Variants in CTIF observed in about 807,000 individuals in gnomAD.
CTIF encodes cap binding complex dependent translation initiation factor, also known as CBP80/20-dependent translation initiation factor.
A neutral mutation model predicts 66.0 loss-of-function variants in CTIF; 21 were observed. That is an observed-to-expected ratio of 0.32 (90% CI 0.23 to 0.46). The LOEUF (loss-of-function observed/expected upper bound fraction) is 0.46, where lower values mean the gene tolerates loss of function less well. Ranked by LOEUF, CTIF falls within the 20% of genes least tolerant of loss-of-function variation. The pLI is 1.00. For synonymous variants in CTIF, 345 were observed against 326.4 expected (o/e 1.06, Z -0.62); for missense variants, 739 against 812.7 (o/e 0.91, Z 1.10).
intron 10 of CTIF, among the ~76,000 whole-genome samples, chr18:48,824,534 A>G (rs1165669445): frequency 2.0e-5 from 3 of 151,858 alleles, no homozygotes; most frequent in Admixed American, 6.6e-5. Context: ...AGGCTCTTCT[A>G]GGTTATCATT....
At chr18:48,599,595 G>T (rs1473512270) in intron 1 of CTIF, among the ~76,000 whole-genome samples, 1 of 152,160 alleles carries the variant, frequency 6.6e-6, no homozygotes, top group South Asian at 2.1e-4. Flanking sequence ...AATTCCTGAG[G>T]GCTGAATAAG....
chr18:48,548,111 T>C (rs1437627668), intron 1 of CTIF, among the ~76,000 whole-genome samples: 1 of 152,120 alleles, frequency 6.6e-6, no homozygotes, highest in African/African-American at 2.4e-5. Flanking sequence ...GGCAGAGATA[T>C]GGTAATGCCT....
chr18:48,580,551 T>G (rs538165961), intron 1 of CTIF, among the ~76,000 whole-genome samples: 1 of 152,250 alleles, frequency 6.6e-6, no homozygotes, highest in African/African-American at 2.4e-5. Context: ...ATCCTGAAGT[T>G]TAACTTAACC....
intron 6 of CTIF, among the ~76,000 whole-genome samples, chr18:48,703,991 G>C (rs537277640): frequency 7.2e-5 from 11 of 152,236 alleles, no homozygotes; most frequent in African/African-American, 2.7e-4. Context: ...TGGGCCTGGG[G>C]GGAAGCGTAG....
intron 5 of CTIF, among the ~76,000 whole-genome samples, chr18:48,667,490 G>A (rs572599818): frequency 5.3e-5 from 8 of 152,256 alleles, no homozygotes; most frequent in African/African-American, 1.9e-4. Context: ...TGGGGAGATC[G>A]AAGCGATGGT....
rs545379810 is a variant in CTIF at position 48,749,963 on chromosome 18, G to A, written c.585-7956G>A. 1.3e-4 allele frequency among the ~76,000 whole-genome samples: 20 copies of A among 152,328 alleles called. No individual in the cohort carries two copies. The East Asian group carries it at 2.9e-3, about 22-fold the overall frequency. On this transcript the variant is annotated intron_variant, in intron 7 of 11. Coordinates refer to ENST00000256413, the MANE Select transcript of CTIF (RefSeq NM_014772.3). ...TGGAAACACTCCACCAGGTTCACGC[G>A]GAGCCTGGCGACTCCCCAGGGCAGC... is the stretch of plus-strand genomic sequence containing the variant.
At chr18:48,702,809 G>A (rs969131248) in intron 6 of CTIF, among the ~76,000 whole-genome samples, 25 of 152,184 alleles carry the variant, frequency 1.6e-4, no homozygotes, top group African/African-American at 6.0e-4. Flanking sequence ...GTGCAGCCTA[G>A]AGATTCCAGG....
chr18:48,803,860 G>C (rs1198487017), intron 9 of CTIF, among the ~76,000 whole-genome samples: 1 of 152,212 alleles, frequency 6.6e-6, no homozygotes, highest in Non-Finnish European at 1.5e-5. Context: ...ATGGCAAAGG[G>C]AGAACCTGTC....
chr18:48,687,104 G>C (rs778210508), intron 6 of CTIF, among the ~76,000 whole-genome samples: 2 of 152,040 alleles, frequency 1.3e-5, no homozygotes, highest in African/African-American at 2.4e-5. Context: ...CTGTGTGCTT[G>C]TCAAGAGGAG....
Position 48,695,587 on chromosome 18 carries a change from C to T in CTIF, c.508-16032C>T, listed in dbSNP as rs540097439. ...TCTTTAGACATGCTGTTTAGTCTAT[C>T]CAGCCCTCCTTTTCCTCATTTGTAG... On this transcript the variant is annotated intron_variant, in intron 6 of 11. Coordinates refer to ENST00000256413, the MANE Select transcript of CTIF (RefSeq NM_014772.3). 4.6e-5 allele frequency among the ~76,000 whole-genome samples: 7 copies of T among 152,328 alleles called. No individual in the cohort carries two copies. The South Asian group carries it at 1.2e-3, about 27-fold the overall frequency.
chr18:48,546,496 C>T (rs1446922450), intron 1 of CTIF, among the ~76,000 whole-genome samples: 1 of 152,022 alleles, frequency 6.6e-6, no homozygotes, highest in Non-Finnish European at 1.5e-5. Context: ...GACAGAGCAC[C>T]TAGAAAGGCT....
intron 7 of CTIF, among the ~76,000 whole-genome samples, chr18:48,749,882 G>T (rs940143915): frequency 6.6e-6 from 1 of 152,174 alleles, no homozygotes; most frequent in Non-Finnish European, 1.5e-5. Context: ...TCCATGGGCC[G>T]GATCTGGGAG....
chr18:48,645,278 C>CAAAAAAAAAAAA (rs74174711), intron 3 of CTIF, among the ~76,000 whole-genome samples: 5,455 of 68,784 alleles, frequency 0.079, 797 homozygotes, highest in African/African-American at 0.14. Flanking sequence ...TGGACACAGG[C>CAAAAAAAAAAAA]AAAAAAAAAA....
At chr18:48,834,286 T>C (rs1208077731) in intron 10 of CTIF, among the ~76,000 whole-genome samples, 3 of 152,256 alleles carry the variant, frequency 2.0e-5, no homozygotes, top group African/African-American at 7.2e-5. Flanking sequence ...TGAGAGTGAC[T>C]GTGTGCCAAC....
intron 1 of CTIF, among the ~76,000 whole-genome samples, chr18:48,596,496 T>G (rs997862787): frequency 1.3e-5 from 2 of 151,890 alleles, no homozygotes; most frequent in Non-Finnish European, 2.9e-5. Context: ...TTTTTCTTTT[T>G]GGGAGACAGA....
intron 9 of CTIF, among the ~76,000 whole-genome samples, chr18:48,774,742 CA>C (rs1253982997): frequency 6.6e-6 from 1 of 152,202 alleles, no homozygotes; most frequent in African/African-American, 2.4e-5. Context: ...AGCACGTCAC[CA>C]TGTCATGCCC....
At chr18:48,763,659 A>G (rs1366860453) in intron 9 of CTIF, among the ~76,000 whole-genome samples, 1 of 152,208 alleles carries the variant, frequency 6.6e-6, no homozygotes, top group African/African-American at 2.4e-5. Context: ...AGGATTCCAG[A>G]CCTGATTCGT....
intron 2 of CTIF, among the ~76,000 whole-genome samples, chr18:48,630,394 A>G (rs2090682294): frequency 6.6e-6 from 1 of 152,214 alleles, no homozygotes; most frequent in African/African-American, 2.4e-5. Flanking sequence ...ATTTTGATGT[A>G]GTTTAAAATT....
intron 6 of CTIF, among the ~76,000 whole-genome samples, chr18:48,699,452 G>A (rs1243133584): frequency 6.8e-6 from 1 of 146,278 alleles, no homozygotes; most frequent in Non-Finnish European, 1.5e-5. Flanking sequence ...GGGTGGTGCA[G>A]GTCTGTGTGG....
Sources: allele counts gnomAD v4.1 joint callset (sites outside exome capture counted in the v4.1 genomes callset), GRCh38; gene constraint gnomAD v4.1.1; transcripts MANE v1.5; gene names NCBI Gene and HGNC (gene_info 2026-07-23, HGNC 2026-07-21).